The following DYRK1A variants were observed in gnomAD, a reference collection of about 807,000 sequenced individuals.
The protein encoded by DYRK1A is dual specificity tyrosine phosphorylation regulated kinase 1A.
In DYRK1A, 9 loss-of-function variants were observed where a neutral mutation model predicts 79.7. That is an observed-to-expected ratio of 0.11 (90% CI 0.07 to 0.20). The LOEUF (loss-of-function observed/expected upper bound fraction) is 0.20. DYRK1A is among the 10% of genes least tolerant of loss of function. DYRK1A has a pLI of 1.00. For missense variants in DYRK1A, 622 were observed against 956.0 expected (o/e 0.65, Z 4.61); for synonymous variants, 349 against 329.7 (o/e 1.06, Z -0.63).
chr21:37,395,354 C>G (rs1274816599), intron 1 of DYRK1A, among the ~76,000 whole-genome samples: 1 of 152,114 alleles, frequency 6.6e-6, no homozygotes, highest in South Asian at 2.1e-4. Context: ...TGTCGCCCTT[C>G]AAGGGTGTAA....
At chr21:37,495,504 T>C (rs924985327) in intron 8 of DYRK1A, among the ~76,000 whole-genome samples, 1 of 152,162 alleles carries the variant, frequency 6.6e-6, no homozygotes, top group Non-Finnish European at 1.5e-5. Flanking sequence ...CTGAAAAATA[T>C]GCCTGTAGTC....
At chr21:37,381,124 A>T (rs900493065) in intron 1 of DYRK1A, among the ~76,000 whole-genome samples, 2 of 152,224 alleles carry the variant, frequency 1.3e-5, no homozygotes, top group Non-Finnish European at 2.9e-5. Flanking sequence ...TGCTTGGCAC[A>T]TAGTAAACAC....
At position 37,369,906 on chromosome 21, in the gene DYRK1A, G is replaced by GT. The variant is rs545496847; in HGVS notation, c.-77+2284dup. Reference sequence around the variant, plus strand: ...TGCAAGATATCTAAAAATAAGTCCAGTTTTTTAGAGGCAGTAACATTTAAG... The same window carrying GT: ...TGCAAGATATCTAAAAATAAGTCCAGTTTTTTTAGAGGCAGTAACATTTAAG... On this transcript the variant is annotated intron_variant, in intron 1 of 11. Coordinates refer to ENST00000647188, the MANE Select transcript of DYRK1A (RefSeq NM_001347721.2). Among the ~76,000 whole-genome samples the GT allele has an allele frequency of 2.8e-4, 43 of 152,260 alleles. No individual in the cohort carries two copies. The East Asian group carries it at 7.3e-3, about 26-fold the overall frequency.
At chr21:37,412,954 G>A (rs1204439288) in intron 1 of DYRK1A, among the ~76,000 whole-genome samples, 2 of 152,166 alleles carry the variant, frequency 1.3e-5, no homozygotes, top group Non-Finnish European at 2.9e-5. Context: ...TACTTCTTTT[G>A]CAGGGAAAGA....
At chr21:37,406,162 G>A (rs1396098781) in intron 1 of DYRK1A, among the ~76,000 whole-genome samples, 1 of 152,098 alleles carries the variant, frequency 6.6e-6, no homozygotes, top group Non-Finnish European at 1.5e-5. Flanking sequence ...TGCCTCAAAT[G>A]TCAAGAAACA....
At chr21:37,402,315 T>C (rs989950252) in intron 1 of DYRK1A, among the ~76,000 whole-genome samples, 10 of 152,314 alleles carry the variant, frequency 6.6e-5, no homozygotes, top group Admixed American at 5.2e-4. Flanking sequence ...TTTTTTCCCT[T>C]CTTACAAATT....
chr21:37,389,325 G>A (rs1022143347), intron 1 of DYRK1A, among the ~76,000 whole-genome samples: 2 of 150,484 alleles, frequency 1.3e-5, no homozygotes, highest in African/African-American at 2.5e-5. Flanking sequence ...CACCATGCCC[G>A]ACTAATTTTT....
At chr21:37,448,316 AT>A (rs899298021) in intron 2 of DYRK1A, among the ~76,000 whole-genome samples, 1 of 152,130 alleles carries the variant, frequency 6.6e-6, no homozygotes, top group Non-Finnish European at 1.5e-5. Flanking sequence ...GGTATTTTAA[AT>A]TTTTACAATT....
At chr21:37,407,470 A>G (rs2050169612) in intron 1 of DYRK1A, among the ~76,000 whole-genome samples, 1 of 152,162 alleles carries the variant, frequency 6.6e-6, no homozygotes, top group Non-Finnish European at 1.5e-5. Flanking sequence ...AGTAGTTTGA[A>G]TGCTTAATTA....
chr21:37,453,848 T>C (rs2051541224), intron 2 of DYRK1A, among the ~76,000 whole-genome samples: 1 of 152,188 alleles, frequency 6.6e-6, no homozygotes, highest in Non-Finnish European at 1.5e-5. Flanking sequence ...AAAGTCTTAT[T>C]GGTGTATCTC....
At chr21:37,449,064 T>C (rs1265735918) in intron 2 of DYRK1A, among the ~76,000 whole-genome samples, 1 of 152,086 alleles carries the variant, frequency 6.6e-6, no homozygotes, top group Non-Finnish European at 1.5e-5. Context: ...TTGTACCTCT[T>C]CTCCAAGAAA....
intron 3 of DYRK1A, among the ~76,000 whole-genome samples, chr21:37,477,622 G>T: frequency 6.6e-6 from 1 of 152,196 alleles, no homozygotes; most frequent in Non-Finnish European, 1.5e-5. Flanking sequence ...GCAAGCCTTG[G>T]TTAGGGGCAG....
At position 37,518,998 on chromosome 21, in the gene DYRK1A, A is replaced by G. The variant is rs942796348; in HGVS notation, c.*6467A>G. The stretch of plus-strand genomic sequence containing the variant: ...AAATTTTCAATTTATGGTGCATTAC[A>G]AAATGTTATAAACAAGCCTCCGGGA... On this transcript the variant is annotated 3_prime_UTR_variant, in exon 12 of 12. Coordinates refer to ENST00000647188, the MANE Select transcript of DYRK1A (RefSeq NM_001347721.2). 3.9e-4 allele frequency: 59 copies of G among 152,362 alleles called. 1 individual carries two copies. The highest frequency in any genetic ancestry group is 1.3e-3 in the African/African-American group (54 of 41,582). The allele number at this position is 152,362 out of a possible 1,614,324, so 9.4% of individuals were successfully genotyped here.
chr21:37,431,746 T>C (rs1161543479), intron 2 of DYRK1A, among the ~76,000 whole-genome samples: 1 of 152,226 alleles, frequency 6.6e-6, no homozygotes, highest in Non-Finnish European at 1.5e-5. Context: ...TGTTTTCATA[T>C]GACGTAGAAA....
intron 2 of DYRK1A, among the ~76,000 whole-genome samples, chr21:37,466,400 A>G (rs2052026593): frequency 6.6e-6 from 1 of 152,228 alleles, no homozygotes; most frequent in Non-Finnish European, 1.5e-5. Flanking sequence ...ATATGGGGAG[A>G]TGATATAAAA....
intron 2 of DYRK1A, among the ~76,000 whole-genome samples, chr21:37,448,574 G>A (rs1336650462): frequency 1.3e-5 from 2 of 152,000 alleles, no homozygotes; most frequent in Non-Finnish European, 2.9e-5. Context: ...AAATATTATA[G>A]GTATGATTTA....
intron 3 of DYRK1A, among the ~76,000 whole-genome samples, chr21:37,477,690 A>G (rs952385989): frequency 3.9e-5 from 6 of 152,112 alleles, no homozygotes; most frequent in Non-Finnish European, 8.8e-5. Flanking sequence ...TCTTCTTATT[A>G]GGAGCAGTTG....
At chr21:37,468,122 T>C (rs2052094790) in intron 2 of DYRK1A, among the ~76,000 whole-genome samples, 1 of 152,154 alleles carries the variant, frequency 6.6e-6, no homozygotes, top group South Asian at 2.1e-4. Flanking sequence ...TACTTTTTTT[T>C]TCTTTTAGAG....
chr21:37,454,664 A>G (rs531158764), intron 2 of DYRK1A, among the ~76,000 whole-genome samples: 13 of 152,306 alleles, frequency 8.5e-5, no homozygotes, highest in Non-Finnish European at 1.8e-4. Context: ...CACCTTTCTG[A>G]TGTTAAAAAA....
Sources: allele counts gnomAD v4.1 joint callset (sites outside exome capture counted in the v4.1 genomes callset), GRCh38; gene constraint gnomAD v4.1.1; transcripts MANE v1.5; gene names NCBI Gene and HGNC (gene_info 2026-07-23, HGNC 2026-07-21).